The following JMJD1C variants were observed in gnomAD, a reference collection of about 807,000 sequenced individuals.
JMJD1C encodes the protein jumonji domain containing 1C.
A neutral mutation model predicts 245.3 loss-of-function variants in JMJD1C; 31 were observed. The observed-to-expected ratio is 0.13, with a 90% confidence interval of 0.09 to 0.17. The LOEUF (loss-of-function observed/expected upper bound fraction) is 0.17. Among genes scored for constraint, JMJD1C ranks in the 10% least tolerant of loss-of-function variants. The pLI is 1.00. For synonymous variants in JMJD1C, 1,057 were observed against 1,017.4 expected (o/e 1.04, Z -0.74); for missense variants, 2,691 against 3,000.2 (o/e 0.90, Z 2.41).
intron 1 of JMJD1C, among the ~76,000 whole-genome samples, chr10:63,408,221 G>C (rs1231614995): frequency 1.1e-4 from 17 of 152,036 alleles, no homozygotes; most frequent in Admixed American, 1.1e-3. Context: ...GGCTAACACG[G>C]TGAAACCCCC....
At chr10:63,388,458 G>A (rs935878429) in intron 1 of JMJD1C, among the ~76,000 whole-genome samples, 5 of 151,890 alleles carry the variant, frequency 3.3e-5, no homozygotes, top group African/African-American at 2.4e-5. Flanking sequence ...ATCATCACTA[G>A]ACCAAATCTA....
At chr10:63,433,749 T>C (rs974358201) in intron 1 of JMJD1C, among the ~76,000 whole-genome samples, 7 of 151,360 alleles carry the variant, frequency 4.6e-5, no homozygotes, top group African/African-American at 1.7e-4. Flanking sequence ...CCACATGCAG[T>C]TAATTATTTT....
rs35442695 is a variant in JMJD1C, at chr10:63,277,731, C to CTTTTTTTTTTTTTTTTTTTTTTT, written c.334-12990_334-12968dup. ...TATTCATTGAGAGTAATTTGCATTT[C>CTTTTTTTTTTTTTTTTTTTTTTT]TTTTTTTTTTTTTTTTTTTTTTTTG... is the stretch of plus-strand genomic sequence containing the variant. On this transcript the variant is annotated intron_variant, in intron 2 of 25. Transcript: ENST00000399262. Among the ~76,000 whole-genome samples the CTTTTTTTTTTTTTTTTTTTTTTT allele has an allele frequency of 4.4e-4, 28 of 64,274 alleles. 2 individuals are homozygous for CTTTTTTTTTTTTTTTTTTTTTTT. Among genetic ancestry groups the CTTTTTTTTTTTTTTTTTTTTTTT allele is most frequent in the East Asian group, 2.9e-3 (5 of 1,746 alleles). The allele number at this position is 64,274 out of a possible 152,430, so 42.2% of individuals were successfully genotyped here. A position where few individuals can be genotyped will look rare whatever the true frequency, so the allele number is the denominator to read the frequency against.
intron 1 of JMJD1C, among the ~76,000 whole-genome samples, chr10:63,449,107 ACTC>A (rs1200745359): frequency 6.6e-6 from 1 of 151,918 alleles, no homozygotes; most frequent in African/African-American, 2.4e-5. Context: ...ACAGAGCAAG[ACTC>A]CGTCTCAAAA....
intron 24 of JMJD1C, among the ~76,000 whole-genome samples, chr10:63,174,825 ACT>A (rs1182921057): frequency 6.6e-6 from 1 of 151,640 alleles, no homozygotes; most frequent in Non-Finnish European, 1.5e-5. Flanking sequence ...CAAGAGCAAG[ACT>A]CTGTCTCAAA....
chr10:63,172,193 T>A (rs1224021784), intron 24 of JMJD1C, among the ~76,000 whole-genome samples: 1 of 152,254 alleles, frequency 6.6e-6, no homozygotes. Context: ...TGCCTTGGTG[T>A]ATTTAGATAT....
At chr10:63,410,470 T>C (rs1949416152) in intron 1 of JMJD1C, among the ~76,000 whole-genome samples, 1 of 152,146 alleles carries the variant, frequency 6.6e-6, no homozygotes, top group African/African-American at 2.4e-5. Context: ...ATAATATCTA[T>C]AAATGTCAGG....
chr10:63,445,290 G>C (rs1951643222), intron 1 of JMJD1C, among the ~76,000 whole-genome samples: 1 of 152,298 alleles, frequency 6.6e-6, no homozygotes, highest in South Asian at 2.1e-4. Context: ...ATAGATGATA[G>C]AAAATGTTGA....
At chr10:63,407,820 C>CAA (rs35231206) in intron 1 of JMJD1C, among the ~76,000 whole-genome samples, 62 of 124,570 alleles carry the variant, frequency 5.0e-4, no homozygotes, top group African/African-American at 1.6e-3. Context: ...GAGAAACAAA[C>CAA]AAAAAAAAAA....
rs1013390141 is a variant in JMJD1C, at chr10:63,208,321, A to C, written c.3348T>G (p.Asn1116Lys). The C allele has an allele frequency of 6.2e-7, 1 of 1,614,002 alleles. No individual in the cohort carries two copies. Among genetic ancestry groups the C allele is most frequent in the African/African-American group, 1.3e-5 (1 of 74,908 alleles). The change falls in exon 10 of 26, where the codon AAT (asparagine) becomes AAG (lysine). Residue 1116 changes from asparagine to lysine, a missense_variant. Physicochemically the swap from Asn to Lys is moderately conservative, Grantham distance 94. This residue lies in a region of JMJD1C where 1,562 missense variants were observed against 1,490.7 expected (regional missense o/e 1.05). Coordinates refer to ENST00000399262, the MANE Select transcript of JMJD1C (RefSeq NM_032776.3). The stretch of plus-strand genomic sequence containing the variant: ...CATTACTCTGTTTATCACCGTAAAT[A>C]TTTGAAACTTCTTTGGATGGGTATG... ...PRSYPSKEVS[N>K]IYGDKQSNAL...
At chr10:63,309,494 CAAAA>C (rs71025153) in intron 2 of JMJD1C, among the ~76,000 whole-genome samples, 3 of 49,410 alleles carry the variant, frequency 6.1e-5, no homozygotes, top group African/African-American at 1.7e-4. Context: ...GACTCCATCT[CAAAA>C]AAAAAAAAAA....
In JMJD1C at chr10:63,186,345, A is replaced by G; in HGVS notation, c.6609T>C (p.Ile2203=). 2 of 1,613,424 alleles carry G rather than the reference A, an allele frequency of 1.2e-6. No individual in the cohort carries two copies. The highest frequency in any genetic ancestry group is 1.7e-6 in the Non-Finnish European group (2 of 1,179,686). Residue 2203 remains isoleucine (I), a synonymous_variant, in exon 19 of 26, where the codon ATT becomes ATC. Coordinates refer to ENST00000399262, the MANE Select transcript of JMJD1C (RefSeq NM_032776.3). The part of the protein sequence containing the change: ...VVSGVHKKMN[I]SLWKAESISL... Reference sequence around the variant, plus strand: ...TAATTGATTCCGCCTTCCATAGGCTAATGTTCATTTTCTTATGCACACCAG... The same window carrying G: ...TAATTGATTCCGCCTTCCATAGGCTGATGTTCATTTTCTTATGCACACCAG...
chr10:63,438,714 C>T (rs984330620), intron 1 of JMJD1C, among the ~76,000 whole-genome samples: 1 of 152,168 alleles, frequency 6.6e-6, no homozygotes, highest in African/African-American at 2.4e-5. Context: ...ATCTCAGGGG[C>T]TGTGTATTTT....
chr10:63,457,847 ACT>A (rs1018910276), intron 1 of JMJD1C, among the ~76,000 whole-genome samples: 3 of 151,830 alleles, frequency 2.0e-5, no homozygotes, highest in Non-Finnish European at 4.4e-5. Context: ...GATTTCAAAA[ACT>A]CTTTTCAGTT....
intron 2 of JMJD1C, among the ~76,000 whole-genome samples, chr10:63,370,966 C>T (rs1564843459): frequency 6.6e-6 from 1 of 151,978 alleles, no homozygotes; most frequent in Non-Finnish European, 1.5e-5. Context: ...TAATGATCTC[C>T]ATTACTTTAT....
At chr10:63,504,553 G>A (rs1223403241) in intron 1 of JMJD1C, among the ~76,000 whole-genome samples, 1 of 152,126 alleles carries the variant, frequency 6.6e-6, no homozygotes, top group Non-Finnish European at 1.5e-5. Flanking sequence ...AAGCTTAGTG[G>A]GCCAGGAGGA....
chr10:63,334,991 A>G (rs566183246), intron 2 of JMJD1C, among the ~76,000 whole-genome samples: 1 of 142,210 alleles, frequency 7.0e-6, no homozygotes, highest in East Asian at 2.1e-4. Context: ...TACAGGCGTG[A>G]GCCACCATGC....
chr10:63,495,630 G>A (rs1412978861), intron 1 of JMJD1C, among the ~76,000 whole-genome samples: 1 of 151,560 alleles, frequency 6.6e-6, no homozygotes, highest in Non-Finnish European at 1.5e-5. Flanking sequence ...AAAATTACTG[G>A]GGTGTGGTGG....
At chr10:63,384,953 C>T (rs1300712657) in intron 1 of JMJD1C, among the ~76,000 whole-genome samples, 1 of 152,156 alleles carries the variant, frequency 6.6e-6, no homozygotes, top group African/African-American at 2.4e-5. Context: ...TTTGACATGC[C>T]TTCCTCGCTA....
Sources: allele counts gnomAD v4.1 joint callset (sites outside exome capture counted in the v4.1 genomes callset), GRCh38; gene constraint gnomAD v4.1.1; regional missense constraint gnomAD v4.1.1; transcripts MANE v1.5; gene names NCBI Gene and HGNC (gene_info 2026-07-23, HGNC 2026-07-21).